ROBO1: variants seen among roughly 807,000 people sequenced by gnomAD.
The protein encoded by ROBO1 is roundabout guidance receptor 1.
In ROBO1, 149 loss-of-function variants were observed where a neutral mutation model predicts 195.9. The observed-to-expected ratio is 0.76, with a 90% CI of 0.67 to 0.87. ROBO1 has a LOEUF of 0.87. Ranked by LOEUF, ROBO1 falls within the 40% of genes least tolerant of loss-of-function variation. The pLI, the probability that ROBO1 is intolerant of heterozygous loss-of-function variation, is 0.00. For missense variants in ROBO1, 1,933 were observed against 2,068.3 expected (o/e 0.93, Z 1.27); for synonymous variants, 816 against 733.2 (o/e 1.11, Z -1.82).
chr3:79,311,797 A>G (rs761781829), intron 2 of ROBO1, among the ~76,000 whole-genome samples: 1 of 152,154 alleles, frequency 6.6e-6, no homozygotes, highest in Non-Finnish European at 1.5e-5. Flanking sequence ...GTCCTACCCG[A>G]TATTTAAATA....
chr3:78,908,598 C>T (rs1262845227), intron 4 of ROBO1, among the ~76,000 whole-genome samples: 1 of 152,036 alleles, frequency 6.6e-6, no homozygotes, highest in South Asian at 2.1e-4. Flanking sequence ...GAATCATATG[C>T]TATGCGAATT....
chr3:78,875,634 A>AT (rs766108861), intron 4 of ROBO1, among the ~76,000 whole-genome samples: 6 of 152,176 alleles, frequency 3.9e-5, no homozygotes, highest in Non-Finnish European at 7.4e-5. Context: ...AAGAGAGGGT[A>AT]TGTTGCCAAC....
chr3:78,617,337 AATACGT>A (rs1346541430), intron 27 of ROBO1, among the ~76,000 whole-genome samples: 1 of 152,188 alleles, frequency 6.6e-6, no homozygotes, highest in African/African-American at 2.4e-5. Context: ...CAATTTGTGT[AATACGT>A]ATATTTGCTA....
intron 2 of ROBO1, among the ~76,000 whole-genome samples, chr3:79,386,443 A>C (rs1234957516): frequency 1.3e-5 from 2 of 152,268 alleles, no homozygotes; most frequent in Admixed American, 6.5e-5. Flanking sequence ...TGGAGTTTTT[A>C]CCATCAACGT....
At chr3:79,184,311 C>T (rs922227604) in intron 2 of ROBO1, among the ~76,000 whole-genome samples, 3 of 152,172 alleles carry the variant, frequency 2.0e-5, no homozygotes, top group Non-Finnish European at 2.9e-5. Flanking sequence ...ATCCTATCAA[C>T]AGAAACTTGA....
intron 2 of ROBO1, among the ~76,000 whole-genome samples, chr3:79,538,455 A>G (rs886653277): frequency 6.7e-6 from 1 of 148,922 alleles, no homozygotes; most frequent in Non-Finnish European, 1.5e-5. Context: ...TGTTGGGCAT[A>G]TTATTATTGA....
At chr3:78,651,683 C>T in intron 19 of ROBO1, 49 bp downstream of exon 19, 1 of 1,360,906 alleles carries the variant, frequency 7.3e-7, no homozygotes, top group Non-Finnish European at 9.8e-7. Context: ...ATATTAAAAT[C>T]AAGAGTTTTA....
At chr3:79,529,302 C>A (rs1477611038) in intron 2 of ROBO1, among the ~76,000 whole-genome samples, 1 of 151,972 alleles carries the variant, frequency 6.6e-6, no homozygotes, top group Non-Finnish European at 1.5e-5. Flanking sequence ...GGTAGCATGG[C>A]AAGTCCCTGT....
chr3:79,052,197 A>G (rs143019218), intron 3 of ROBO1, among the ~76,000 whole-genome samples: 1,713 of 152,158 alleles, frequency 0.011, 42 homozygotes, highest in African/African-American at 0.039. Flanking sequence ...ATGCATTCCC[A>G]AGGGGAGGTC....
intron 2 of ROBO1, among the ~76,000 whole-genome samples, chr3:79,498,654 G>T (rs13325599): frequency 0.28 from 42,638 of 151,936 alleles, 6,587 homozygotes; most frequent in Non-Finnish European, 0.35. Flanking sequence ...AGAAGTTCAA[G>T]ACCAGCCTGC....
At chr3:78,913,543 G>C (rs1409863847) in intron 4 of ROBO1, among the ~76,000 whole-genome samples, 1 of 151,978 alleles carries the variant, frequency 6.6e-6, no homozygotes, top group Non-Finnish European at 1.5e-5. Flanking sequence ...TAACTAGAAA[G>C]AGAAAAATAA....
At position 79,208,877 on chromosome 3, in the gene ROBO1, G is replaced by A. The variant is rs1306664565; in HGVS notation, c.89-83338C>T. On this transcript the variant is annotated intron_variant, in intron 2 of 30. Transcript: ENST00000464233. ...CCGAGAAATTTCTGCCATACTCGGA[G>A]GGCAAGGGGCATACTGAAGAGTTTC... 2.0e-5 allele frequency among the ~76,000 whole-genome samples: 3 copies of A among 152,092 alleles called. No individual in the cohort carries two copies. The East Asian group carries it at 5.8e-4, about 29-fold the overall frequency.
intron 1 of ROBO1, among the ~76,000 whole-genome samples, chr3:79,657,197 G>A (rs546909211): frequency 7.2e-4 from 109 of 152,124 alleles, no homozygotes; most frequent in African/African-American, 2.5e-3. Flanking sequence ...TGCAATAGGG[G>A]CACTTCCCAC....
chr3:79,307,077 G>C (rs1421471922), intron 2 of ROBO1, among the ~76,000 whole-genome samples: 1 of 151,960 alleles, frequency 6.6e-6, no homozygotes. Context: ...AGAAGGGAGG[G>C]GGGTCGGGGA....
chr3:79,336,731 T>C (rs2034685857), intron 2 of ROBO1, among the ~76,000 whole-genome samples: 1 of 152,140 alleles, frequency 6.6e-6, no homozygotes, highest in South Asian at 2.1e-4. Flanking sequence ...GACCCAAGAA[T>C]GGTAGATACA....
At chr3:79,592,269 C>G (rs1433424626) in intron 1 of ROBO1, among the ~76,000 whole-genome samples, 2 of 151,836 alleles carry the variant, frequency 1.3e-5, no homozygotes, top group African/African-American at 4.8e-5. Context: ...AGTAGAAACA[C>G]TTATTATAAT....
intron 1 of ROBO1, among the ~76,000 whole-genome samples, chr3:79,706,191 A>C (rs1576259115): frequency 2.6e-5 from 4 of 152,106 alleles, no homozygotes; most frequent in Admixed American, 6.6e-5. Flanking sequence ...AATAATATTG[A>C]AAAGAAGTGG....
chr3:79,385,817 T>G (rs2036722439), intron 2 of ROBO1, among the ~76,000 whole-genome samples: 2 of 152,042 alleles, frequency 1.3e-5, no homozygotes, highest in South Asian at 4.1e-4. Context: ...AAAAACTCAA[T>G]GGAGATAGTT....
At chr3:79,171,699 G>A (rs1223681076) in intron 2 of ROBO1, among the ~76,000 whole-genome samples, 3 of 151,830 alleles carry the variant, frequency 2.0e-5, no homozygotes, top group African/African-American at 7.3e-5. Flanking sequence ...TGTCTTACTT[G>A]TTACATAAAA....
Sources: allele counts gnomAD v4.1 joint callset (sites outside exome capture counted in the v4.1 genomes callset), GRCh38; gene constraint gnomAD v4.1.1; transcripts MANE v1.5; gene names NCBI Gene and HGNC (gene_info 2026-07-23, HGNC 2026-07-21).